The following NBEA variants were observed in gnomAD, a reference collection of about 807,000 sequenced individuals.
NBEA encodes lysosomal-trafficking regulator 2.
In NBEA, 44 loss-of-function variants were observed where a neutral mutation model predicts 343.4. That is an observed-to-expected ratio of 0.13 (90% CI 0.10 to 0.16). NBEA has a LOEUF of 0.16. Ranked by LOEUF, NBEA falls within the 10% of genes least tolerant of loss-of-function variation. The pLI is 1.00. For synonymous variants in NBEA, 1,175 were observed against 1,238.7 expected (o/e 0.95, Z 1.08); for missense variants, 2,555 against 3,631.3 (o/e 0.70, Z 7.62).
intron 38 of NBEA, among the ~76,000 whole-genome samples, chr13:35,386,337 T>C (rs2042243186): frequency 6.6e-6 from 1 of 152,154 alleles, no homozygotes; most frequent in South Asian, 2.1e-4. Flanking sequence ...CATCCGTACA[T>C]TTGTGAATTA....
intron 38 of NBEA, among the ~76,000 whole-genome samples, chr13:35,414,425 C>G (rs954825416): frequency 6.6e-6 from 1 of 152,036 alleles, no homozygotes; most frequent in African/African-American, 2.4e-5. Flanking sequence ...GGTCCCCACC[C>G]TGTGTCTAAC....
At chr13:35,126,954 G>C (rs1957329181) in intron 17 of NBEA, among the ~76,000 whole-genome samples, 1 of 150,608 alleles carries the variant, frequency 6.6e-6, no homozygotes, top group African/African-American at 2.4e-5. Context: ...AATAATAATG[G>C]CATAAATGGA....
At chr13:35,371,472 T>C (rs1178038790) in intron 38 of NBEA, among the ~76,000 whole-genome samples, 1 of 152,044 alleles carries the variant, frequency 6.6e-6, no homozygotes, top group East Asian at 1.9e-4. Flanking sequence ...GTTTGTTTGT[T>C]ATGATACCTC....
intron 38 of NBEA, among the ~76,000 whole-genome samples, chr13:35,397,250 T>G (rs1338498704): frequency 6.6e-6 from 1 of 152,184 alleles, no homozygotes; most frequent in Non-Finnish European, 1.5e-5. Context: ...TATATCCAAC[T>G]TAATGCCTTC....
intron 17 of NBEA, among the ~76,000 whole-genome samples, chr13:35,133,163 A>G (rs1278527996): frequency 6.6e-6 from 1 of 152,186 alleles, no homozygotes; most frequent in Admixed American, 6.5e-5. Flanking sequence ...GTGCAAATAA[A>G]TTAGAAAAAG....
At chr13:35,378,550 G>A (rs1243694363) in intron 38 of NBEA, among the ~76,000 whole-genome samples, 1 of 151,938 alleles carries the variant, frequency 6.6e-6, no homozygotes, top group Non-Finnish European at 1.5e-5. Context: ...TATTTTACAA[G>A]TAAATCAAGT....
chr13:35,559,984 A>T (rs1204356632), intron 44 of NBEA, among the ~76,000 whole-genome samples: 4 of 152,220 alleles, frequency 2.6e-5, no homozygotes, highest in Non-Finnish European at 4.4e-5. Flanking sequence ...GAACTCAGAA[A>T]AAATAGTAAA....
At chr13:34,954,538 T>G (rs1456281491) in intron 1 of NBEA, among the ~76,000 whole-genome samples, 1 of 152,186 alleles carries the variant, frequency 6.6e-6, no homozygotes, top group Non-Finnish European at 1.5e-5. Flanking sequence ...ATTTTCCTCT[T>G]GCTTTAACAT....
At chr13:35,630,932 C>T (rs1047979224) in intron 49 of NBEA, among the ~76,000 whole-genome samples, 1 of 152,154 alleles carries the variant, frequency 6.6e-6, no homozygotes, top group Admixed American at 6.5e-5. Context: ...TTAATTTCCC[C>T]TTTCCCACTT....
At chr13:35,353,811 A>T (rs897289109) in intron 38 of NBEA, among the ~76,000 whole-genome samples, 1 of 152,202 alleles carries the variant, frequency 6.6e-6, no homozygotes, top group South Asian at 2.1e-4. Context: ...GCTTGTACAA[A>T]TAGAGGCAGA....
intron 18 of NBEA, among the ~76,000 whole-genome samples, chr13:35,150,721 A>G (rs558776291): frequency 7.2e-5 from 11 of 152,232 alleles, no homozygotes; most frequent in Non-Finnish European, 1.5e-4. Context: ...AAATATTACT[A>G]CAACTCTACG....
In NBEA at chr13:35,116,904, C is replaced by T. The variant is rs1593397922; in HGVS notation, c.2003-510C>T. 2.0e-5 allele frequency among the ~76,000 whole-genome samples: 3 copies of T among 151,796 alleles called. No individual in the cohort carries two copies. The East Asian group carries it at 5.8e-4, about 29-fold the overall frequency. ...CACTTATTGACGCAGCATAAATGCC[C>T]ACTATAATATGTATTTTCTGTATAC... On this transcript the variant is annotated intron_variant, in intron 13 of 58. Transcript: ENST00000379939.
Position 34,942,895 on chromosome 13 carries a change from T to TGGC in NBEA, c.78_80dup (p.Gly31dup). The TGGC allele has an allele frequency of 6.9e-7, 1 of 1,442,384 alleles. No homozygotes were observed. Among genetic ancestry groups the TGGC allele is most frequent in the Non-Finnish European group, 9.2e-7 (1 of 1,091,550 alleles). The allele number at this position is 1,442,384 out of a possible 1,614,324, so 89.3% of individuals were successfully genotyped here. ...TGGGGCTCATTGCCGTCGGGGCCGC[T>TGGC]GGCGGAGGCGGCGGGGGCAGCGGTG... On this transcript the variant is annotated inframe_insertion, in exon 1 of 59. Coordinates refer to ENST00000379939, the MANE Select transcript of NBEA (RefSeq NM_001385012.1).
At chr13:35,631,328 G>T (rs2083444180) in intron 49 of NBEA, among the ~76,000 whole-genome samples, 1 of 152,150 alleles carries the variant, frequency 6.6e-6, no homozygotes, top group Non-Finnish European at 1.5e-5. Context: ...TGGAGGTCTT[G>T]TACTGCTGTG....
intron 38 of NBEA, among the ~76,000 whole-genome samples, chr13:35,427,400 C>G (rs1231289474): frequency 6.6e-6 from 1 of 152,124 alleles, no homozygotes; most frequent in Admixed American, 6.5e-5. Context: ...GAGGTCCACC[C>G]CAGACCCTGT....
intron 34 of NBEA, among the ~76,000 whole-genome samples, chr13:35,255,876 A>G (rs1252436342): frequency 2.6e-5 from 4 of 152,228 alleles, no homozygotes; most frequent in African/African-American, 9.6e-5. Context: ...AGAATGAGAT[A>G]TGTGGACAAC....
At chr13:35,537,037 G>C (rs187892044) in intron 41 of NBEA, among the ~76,000 whole-genome samples, 167 of 152,290 alleles carry the variant, frequency 1.1e-3, no homozygotes, top group African/African-American at 3.8e-3. Flanking sequence ...AATGGGGCAG[G>C]GGGATAGGGT....
At chr13:35,086,770 G>A (rs998619138) in intron 10 of NBEA, among the ~76,000 whole-genome samples, 17 of 151,666 alleles carry the variant, frequency 1.1e-4, no homozygotes, top group Admixed American at 8.6e-4. Context: ...TTTACAGTGT[G>A]CAAAAGTTCC....
At chr13:35,131,348 TA>T (rs898085832) in intron 17 of NBEA, among the ~76,000 whole-genome samples, 1 of 152,172 alleles carries the variant, frequency 6.6e-6, no homozygotes, top group Non-Finnish European at 1.5e-5. Flanking sequence ...GTTACTTTTT[TA>T]AAAGTATACA....
Sources: gnomAD v4.1 joint callset for allele counts (sites outside exome capture counted in the v4.1 genomes callset) on GRCh38, gnomAD v4.1.1 for gene constraint, MANE v1.5 for transcripts, NCBI Gene and HGNC (gene_info 2026-07-23, HGNC 2026-07-21) for gene names.